Variants in TAF4B observed in about 807,000 individuals in gnomAD.
The protein encoded by TAF4B is transcription initiation factor TFIID subunit 4B.
A neutral mutation model predicts 86.4 loss-of-function variants in TAF4B; 38 were observed. The ratio of observed to expected loss-of-function variants is 0.44; its 90% CI spans 0.34 to 0.58. The LOEUF is 0.58. TAF4B is among the 20% of genes least tolerant of loss of function. TAF4B has a pLI of 0.02. For synonymous variants in TAF4B, 388 were observed against 391.2 expected, an observed-to-expected ratio of 0.99 and a Z score of 0.10; for missense variants, 988 against 1,027.6, an observed-to-expected ratio of 0.96 and a Z score of 0.53.
At chr18:26,306,314 C>G (rs929258424) in intron 9 of TAF4B, among the ~76,000 whole-genome samples, 3 of 152,084 alleles carry the variant, frequency 2.0e-5, no homozygotes, top group Admixed American at 2.0e-4. Flanking sequence ...CATGGTCTTT[C>G]ATATATCAAA....
chr18:26,353,727 A>G lies in TAF4B; in HGVS notation c.2317-3963A>G, dbSNP rs375233399. ...GCTTTTACCAGTATTATTCAGCATT[A>G]TAGTTTAAGTCCTTATCAGTACAAT... On this transcript the variant is annotated intron_variant, in intron 13 of 14. Coordinates refer to ENST00000269142, the MANE Select transcript of TAF4B (RefSeq NM_005640.3). 1.2e-4 allele frequency among the ~76,000 whole-genome samples: 18 copies of G among 152,400 alleles called. No homozygotes were observed. The East Asian group carries it at 2.5e-3, about 21-fold the overall frequency.
At chr18:26,236,129 G>A (rs1410056214) in intron 1 of TAF4B, among the ~76,000 whole-genome samples, 1 of 152,154 alleles carries the variant, frequency 6.6e-6, no homozygotes, top group Non-Finnish European at 1.5e-5. Context: ...CAACAAATGG[G>A]TAACTTGTTA....
intron 14 of TAF4B, among the ~76,000 whole-genome samples, chr18:26,363,232 G>A (rs1442110110): frequency 6.6e-6 from 1 of 151,854 alleles, no homozygotes; most frequent in Non-Finnish European, 1.5e-5. Context: ...CCTTGTTGTT[G>A]ATTTTTATTC....
At chr18:26,324,388 A>G (rs2056987755) in intron 11 of TAF4B, among the ~76,000 whole-genome samples, 1 of 152,348 alleles carries the variant, frequency 6.6e-6, no homozygotes, top group East Asian at 1.9e-4. Flanking sequence ...TTGGGATTAC[A>G]AGTGTGAGTC....
intron 14 of TAF4B, among the ~76,000 whole-genome samples, chr18:26,358,605 G>T (rs2057307059): frequency 2.0e-5 from 3 of 152,168 alleles, no homozygotes; most frequent in Admixed American, 1.3e-4. Flanking sequence ...AGCTACTCGG[G>T]AGGCTGAGGC....
At chr18:26,319,331 A>T (rs148224410) in intron 10 of TAF4B, among the ~76,000 whole-genome samples, 38 of 151,950 alleles carry the variant, frequency 2.5e-4, no homozygotes, top group Middle Eastern at 6.8e-3. Flanking sequence ...ATCTCTACTA[A>T]AAATACAAAA....
chr18:26,346,373 A>C (rs1483842142), intron 13 of TAF4B, among the ~76,000 whole-genome samples: 5 of 150,484 alleles, frequency 3.3e-5, no homozygotes, highest in Admixed American at 6.6e-5. Context: ...ACCATGAAGC[A>C]AACAAATATT....
intron 14 of TAF4B, among the ~76,000 whole-genome samples, chr18:26,374,160 G>A (rs147577278): frequency 1.9e-4 from 29 of 152,234 alleles, no homozygotes; most frequent in African/African-American, 6.5e-4. Flanking sequence ...GGCAAATTGT[G>A]TGTTAATGGT....
intron 7 of TAF4B, among the ~76,000 whole-genome samples, chr18:26,288,339 A>G (rs2056550602): frequency 1.3e-5 from 2 of 152,240 alleles, no homozygotes; most frequent in South Asian, 2.1e-4. Context: ...TGACTCATCC[A>G]GTAACAGTTA....
intron 13 of TAF4B, among the ~76,000 whole-genome samples, chr18:26,350,272 C>T (rs903518531): frequency 6.6e-6 from 1 of 152,120 alleles, no homozygotes; most frequent in African/African-American, 2.4e-5. Context: ...AAAAATAAGA[C>T]TACAGAATGG....
At chr18:26,346,720 A>T (rs575928027) in intron 13 of TAF4B, among the ~76,000 whole-genome samples, 2 of 134,048 alleles carry the variant, frequency 1.5e-5, no homozygotes, top group South Asian at 5.1e-4. Context: ...GGAAAATTTT[A>T]AAAAACTGCT....
intron 3 of TAF4B, among the ~76,000 whole-genome samples, chr18:26,273,404 CAT>C (rs2056344409): frequency 6.6e-6 from 1 of 152,042 alleles, no homozygotes; most frequent in Admixed American, 6.6e-5. Context: ...GATATGTACA[CAT>C]ATGTAATATG....
intron 14 of TAF4B, among the ~76,000 whole-genome samples, chr18:26,379,355 A>G (rs1387162838): frequency 6.6e-6 from 1 of 151,980 alleles, no homozygotes; most frequent in Non-Finnish European, 1.5e-5. Context: ...TAGGTCTTTG[A>G]TCTATCTTGA....
rs962527222 is a variant in TAF4B, at chr18:26,227,000, G to T, written c.67G>T (p.Val23Leu). ...PPAAVSASGT[V>L]TMAPAGALPV... ...GGCTGCTGTGAGCGCCTCGGGGACC[G>T]TGACCATGGCCCCGGCCGGGGCGCT... Residue 23 changes from valine (V) to leucine (L), a missense_variant, in exon 1 of 15, where the codon GTG (valine) becomes TTG (leucine). Coordinates refer to ENST00000269142, the MANE Select transcript of TAF4B (RefSeq NM_005640.3). The T allele has an allele frequency of 2.1e-6, 3 of 1,440,424 alleles. No individual in the cohort carries two copies. Among genetic ancestry groups the T allele is most frequent in the African/African-American group, 1.5e-5 (1 of 66,236 alleles). The allele number at this position is 1,440,424 out of a possible 1,614,324, so 89.2% of individuals were successfully genotyped here. A position where few individuals can be genotyped will look rare whatever the true frequency, so the allele number is the denominator to read the frequency against.
intron 13 of TAF4B, among the ~76,000 whole-genome samples, chr18:26,346,266 A>G (rs1006676400): frequency 6.6e-6 from 1 of 152,140 alleles, no homozygotes; most frequent in Non-Finnish European, 1.5e-5. Context: ...CACCAAGCAG[A>G]AAAAAGAATT....
intron 14 of TAF4B, among the ~76,000 whole-genome samples, chr18:26,376,936 C>T (rs74364740): frequency 0.076 from 11,525 of 151,904 alleles, 541 homozygotes; most frequent in Non-Finnish European, 0.1. Flanking sequence ...TTGAGATGAT[C>T]GTGCTTTTTT....
At chr18:26,283,504 G>A (rs2056475046) in intron 6 of TAF4B, among the ~76,000 whole-genome samples, 1 of 151,776 alleles carries the variant, frequency 6.6e-6, no homozygotes, top group Non-Finnish European at 1.5e-5. Context: ...GTGAACAGAT[G>A]TGCTGTCATC....
At chr18:26,385,054 G>T (rs564953075) in intron 14 of TAF4B, among the ~76,000 whole-genome samples, 1 of 152,124 alleles carries the variant, frequency 6.6e-6, no homozygotes, top group Non-Finnish European at 1.5e-5. Flanking sequence ...GGAGAGGCCC[G>T]TATGGAGTCA....
intron 1 of TAF4B, among the ~76,000 whole-genome samples, chr18:26,259,230 C>G (rs2056128875): frequency 1.3e-5 from 2 of 150,272 alleles, no homozygotes; most frequent in Non-Finnish European, 3.0e-5. Flanking sequence ...AACATTATGC[C>G]TATGTTGGTG....
Sources: gnomAD v4.1 joint callset for allele counts (sites outside exome capture counted in the v4.1 genomes callset) on GRCh38, gnomAD v4.1.1 for gene constraint, MANE v1.5 for transcripts, NCBI Gene and HGNC (gene_info 2026-07-23, HGNC 2026-07-21) for gene names.